ARHGAP5: variants seen among roughly 807,000 people sequenced by gnomAD.
ARHGAP5 encodes the protein rho GTPase-activating protein 5.
Under a neutral mutation model 116.6 loss-of-function variants are expected in ARHGAP5, and 23 were observed. That is an observed-to-expected ratio of 0.20 (90% CI 0.14 to 0.28). The LOEUF (loss-of-function observed/expected upper bound fraction) is 0.28, where lower values mean the gene tolerates loss of function less well. Among genes scored for constraint, ARHGAP5 ranks in the 10% least tolerant of loss-of-function variants. The pLI, the probability that ARHGAP5 is intolerant of heterozygous loss-of-function variation, is 1.00. For synonymous variants in ARHGAP5, 574 were observed against 602.0 expected (o/e 0.95, Z 0.68); for missense variants, 1,405 against 1,774.8 (o/e 0.79, Z 3.74).
intron 1 of ARHGAP5, among the ~76,000 whole-genome samples, chr14:32,088,107 G>A (rs1441541736): frequency 6.6e-6 from 1 of 152,022 alleles, no homozygotes; most frequent in Non-Finnish European, 1.5e-5. Context: ...GAGAGCAGAA[G>A]TGAGTCTTAA....
chr14:32,081,033 CTATTT>C (rs2041767176), intron 1 of ARHGAP5, among the ~76,000 whole-genome samples: 1 of 152,034 alleles, frequency 6.6e-6, no homozygotes, highest in South Asian at 2.1e-4. Context: ...TAGATTTAGC[CTATTT>C]TATTATCCCT....
At chr14:32,115,698 G>C (rs1489690046) in intron 2 of ARHGAP5, among the ~76,000 whole-genome samples, 1 of 149,628 alleles carries the variant, frequency 6.7e-6, no homozygotes, top group Non-Finnish European at 1.5e-5. Flanking sequence ...TCGGCTGGGT[G>C]CTGTGGCTCA....
chr14:32,138,630 T>G (rs1027998857), intron 3 of ARHGAP5, among the ~76,000 whole-genome samples: 3 of 152,200 alleles, frequency 2.0e-5, no homozygotes, highest in African/African-American at 7.2e-5. Context: ...TTTCTGCATG[T>G]AAGTCATGTC....
intron 3 of ARHGAP5, among the ~76,000 whole-genome samples, chr14:32,123,219 G>T (rs1879977827): frequency 6.6e-6 from 1 of 151,830 alleles, no homozygotes; most frequent in South Asian, 2.1e-4. Context: ...TCTGCTTGAG[G>T]TTTCTGGAGC....
At chr14:32,142,189 G>T (rs866375559) in intron 3 of ARHGAP5, among the ~76,000 whole-genome samples, 1 of 151,998 alleles carries the variant, frequency 6.6e-6, no homozygotes, top group Non-Finnish European at 1.5e-5. Flanking sequence ...GTTTCCTTTA[G>T]ATCTTTGTGA....
rs1287811818 is a variant in ARHGAP5, at chr14:32,148,680, A to T, written c.3944-1222A>T. On this transcript the variant is annotated intron_variant, in intron 4 of 6. Coordinates refer to ENST00000345122, the MANE Select transcript of ARHGAP5 (RefSeq NM_001030055.2). The stretch of plus-strand genomic sequence containing the variant: ...CTAAGGAAATATTTCACAGCCATTA[A>T]AATTGTTTATGTAGGGCAAAATGTT... Among the ~76,000 whole-genome samples the T allele has an allele frequency of 5.3e-5, 8 of 152,324 alleles. No homozygotes were observed. In the South Asian group the frequency reaches 1.5e-3, roughly 28 times the overall value.
At chr14:32,104,568 T>TAAA (rs1878927453) in intron 2 of ARHGAP5, among the ~76,000 whole-genome samples, 1 of 152,194 alleles carries the variant, frequency 6.6e-6, no homozygotes, top group African/African-American at 2.4e-5. Flanking sequence ...TAAATAAACC[T>TAAA]TTAGAGTGCT....
intron 2 of ARHGAP5, among the ~76,000 whole-genome samples, chr14:32,104,315 A>T (rs1342392992): frequency 6.6e-6 from 1 of 152,200 alleles, no homozygotes; most frequent in Non-Finnish European, 1.5e-5. Context: ...TATATGTTGA[A>T]ATGCTTTTTA....
intron 3 of ARHGAP5, among the ~76,000 whole-genome samples, chr14:32,137,388 G>A (rs1880861485): frequency 6.6e-6 from 1 of 150,938 alleles, no homozygotes; most frequent in African/African-American, 2.4e-5. Context: ...TAGATACATG[G>A]GTTTATTTCT....
At position 32,155,017 on chromosome 14, in the gene ARHGAP5, C is replaced by CAGT; in HGVS notation, c.*74_*76dup. On this transcript the variant is annotated 3_prime_UTR_variant, in exon 7 of 7. Coordinates refer to ENST00000345122, the MANE Select transcript of ARHGAP5 (RefSeq NM_001030055.2). ...ATCTAGACATGCATGTTTCAGGGTT[C>CAGT]AGTAGTATACTTCATGTTTCATACA... 7.7e-7 allele frequency: 1 copy of CAGT among 1,300,786 alleles called. No homozygotes were observed. The allele number at this position is 1,300,786 out of a possible 1,614,324, so 80.6% of individuals were successfully genotyped here.
intron 2 of ARHGAP5, among the ~76,000 whole-genome samples, chr14:32,102,520 G>A (rs1026653594): frequency 6.6e-6 from 1 of 152,164 alleles, no homozygotes; most frequent in South Asian, 2.1e-4. Flanking sequence ...ACTGCATTCT[G>A]GTCTGTGCAA....
chr14:32,094,009 G>A lies in ARHGAP5; in HGVS notation c.3340G>A (p.Asp1114Asn). 3.7e-6 allele frequency: 6 copies of A among 1,613,268 alleles called. No individual in the cohort carries two copies. The highest frequency in any genetic ancestry group is 1.1e-5 in the South Asian group (1 of 90,806). The change falls in exon 2 of 7, where the codon GAT (aspartate) becomes AAT (asparagine). Residue 1114 changes from aspartate (D) to asparagine (N), a missense_variant. Transcript: ENST00000345122. The part of the protein sequence containing the change: ...YSDEIYVVPD[D>N]SQNRIKIRNS... ...TGATGAGATTTATGTTGTCCCAGAT[G>A]ATAGTCAAAATCGTATTAAAATTCG...
chr14:32,120,372 A>G lies in ARHGAP5; in HGVS notation c.3865+3085A>G, dbSNP rs553180985. Among the ~76,000 whole-genome samples, 3 of 151,512 alleles carry G rather than the reference A, an allele frequency of 2.0e-5. No individual in the cohort carries two copies. The South Asian group carries it at 6.2e-4, about 31-fold the overall frequency. ...CTTCAAAGGACTAGCTTTTGCTTTT[A>G]TTGATTTTCCTTTTTTTTTCCATTT... On this transcript the variant is annotated intron_variant, in intron 3 of 6. Transcript: ENST00000345122.
chr14:32,153,092 C>T (rs1158127273), intron 6 of ARHGAP5, among the ~76,000 whole-genome samples: 6 of 148,830 alleles, frequency 4.0e-5, no homozygotes, highest in Admixed American at 1.3e-4. Flanking sequence ...ACACCCAAAC[C>T]AAGTACATTT....
At chr14:32,128,409 C>G (rs1880302362) in intron 3 of ARHGAP5, among the ~76,000 whole-genome samples, 1 of 152,252 alleles carries the variant, frequency 6.6e-6, no homozygotes, top group African/African-American at 2.4e-5. Context: ...ACAGGTTCAT[C>G]CTCACACCAA....
intron 3 of ARHGAP5, among the ~76,000 whole-genome samples, chr14:32,130,128 T>C (rs1331930706): frequency 6.6e-6 from 1 of 151,430 alleles, no homozygotes; most frequent in Non-Finnish European, 1.5e-5. Context: ...TGACCACATA[T>C]CTTAAGCAGC....
chr14:32,128,019 G>A (rs541671193), intron 3 of ARHGAP5, among the ~76,000 whole-genome samples: 117 of 148,266 alleles, frequency 7.9e-4, no homozygotes, highest in Admixed American at 2.8e-3. Context: ...GGTGGCGGCC[G>A]GGTAGAGACG....
chr14:32,125,819 T>C (rs562893215), intron 3 of ARHGAP5, among the ~76,000 whole-genome samples: 1 of 152,326 alleles, frequency 6.6e-6, no homozygotes, highest in South Asian at 2.1e-4. Flanking sequence ...CGTTTTGTAG[T>C]TTTCAGTGTT....
chr14:32,155,877 G>A lies in ARHGAP5; in HGVS notation c.*929G>A, dbSNP rs1193058560. 3.3e-5 allele frequency: 5 copies of A among 152,546 alleles called. No individual in the cohort carries two copies. The highest frequency in any genetic ancestry group is 6.8e-3 in the Middle Eastern group (2 of 294). 9.4% of individuals were successfully genotyped at this position (152,546 alleles called of 1,614,324 possible). On this transcript the variant is annotated 3_prime_UTR_variant, in exon 7 of 7. Transcript: ENST00000345122. ...TTCATACATAAACATGAAATTTGTT[G>A]TAGAAAATTCTTTAAACCAAACATT...
Sources: allele counts gnomAD v4.1 joint callset (sites outside exome capture counted in the v4.1 genomes callset), GRCh38; gene constraint gnomAD v4.1.1; transcripts MANE v1.5; gene names NCBI Gene and HGNC (gene_info 2026-07-23, HGNC 2026-07-21).